The following CNTNAP2 variants were observed in gnomAD, a reference collection of about 807,000 sequenced individuals.
CNTNAP2 encodes the protein contactin associated protein 2.
Under a neutral mutation model 155.2 loss-of-function variants are expected in CNTNAP2, and 98 were observed. The observed-to-expected ratio is 0.63, with a 90% confidence interval of 0.54 to 0.75. The LOEUF is 0.75. CNTNAP2 is among the 30% of genes least tolerant of loss of function. CNTNAP2 has a pLI of 0.00. For synonymous variants in CNTNAP2, 651 were observed against 631.2 expected, an observed-to-expected ratio of 1.03 and a Z score of -0.47; for missense variants, 1,727 against 1,688.1, an observed-to-expected ratio of 1.02 and a Z score of -0.40.
intron 1 of CNTNAP2, among the ~76,000 whole-genome samples, chr7:146,139,001 A>G (rs1281361316): frequency 6.6e-6 from 1 of 152,138 alleles, no homozygotes; most frequent in Non-Finnish European, 1.5e-5. Context: ...CAGCTAGCCT[A>G]CAGAACAGCA....
At chr7:147,292,298 C>T (rs952237612) in intron 8 of CNTNAP2, among the ~76,000 whole-genome samples, 2 of 152,128 alleles carry the variant, frequency 1.3e-5, no homozygotes, top group African/African-American at 4.8e-5. Flanking sequence ...ACTTTTCATT[C>T]ACCATTAAAT....
intron 8 of CNTNAP2, among the ~76,000 whole-genome samples, chr7:147,153,125 G>T (rs1399930241): frequency 6.6e-6 from 1 of 152,016 alleles, no homozygotes; most frequent in Non-Finnish European, 1.5e-5. Flanking sequence ...TTTGAGGGAA[G>T]CAGAGACTTT....
At chr7:147,735,075 G>C (rs2116474101) in intron 13 of CNTNAP2, among the ~76,000 whole-genome samples, 1 of 151,528 alleles carries the variant, frequency 6.6e-6, no homozygotes, top group East Asian at 1.9e-4. Context: ...TTTTGAATGT[G>C]TTTGCTCTTG....
rs930048923 is a variant in CNTNAP2, at chr7:148,416,110, C to G, written c.*494C>G. 1.2e-5 allele frequency: 2 copies of G among 161,890 alleles called. No individual in the cohort carries two copies. Among genetic ancestry groups the G allele is most frequent in the Non-Finnish European group, 2.7e-5 (2 of 73,924 alleles). The allele number at this position is 161,890 out of a possible 1,614,324, so 10.0% of individuals were successfully genotyped here. ...ACTAGTTCGTGTTTATATACTATTT[C>G]CTTTGATGTCCTATAAGTCGGAAAA... On this transcript the variant is annotated 3_prime_UTR_variant, in exon 24 of 24. Transcript: ENST00000361727.
At chr7:146,916,960 A>G (rs1239295745) in intron 3 of CNTNAP2, among the ~76,000 whole-genome samples, 3 of 152,176 alleles carry the variant, frequency 2.0e-5, no homozygotes, top group Non-Finnish European at 4.4e-5. Context: ...ATATAATGCT[A>G]TGAATTTCCC....
In CNTNAP2 at chr7:147,078,281, C is replaced by T. The variant is rs114319845; in HGVS notation, c.551-29866C>T. Among the ~76,000 whole-genome samples the T allele has an allele frequency of 7.6e-3, 1,164 of 152,294 alleles. 16 individuals are homozygous for T. The highest frequency in any genetic ancestry group is 0.023 in the African/African-American group (960 of 41,568). On this transcript the variant is annotated intron_variant, in intron 4 of 23. Transcript: ENST00000361727. ...TGACTTTCTGTGAAAGAGTTAAGTACGTTGCTGTATCAAATATTCAGTTAC... is the reference window on the plus strand; with the variant it reads ...TGACTTTCTGTGAAAGAGTTAAGTATGTTGCTGTATCAAATATTCAGTTAC...
At chr7:146,454,040 CA>C (rs1796520239) in intron 1 of CNTNAP2, among the ~76,000 whole-genome samples, 1 of 151,780 alleles carries the variant, frequency 6.6e-6, no homozygotes. Context: ...AATAGAAGTT[CA>C]AAAAAATGGA....
At position 146,404,345 on chromosome 7, in the gene CNTNAP2, C is replaced by T. The variant is rs186707909; in HGVS notation, c.97+287372C>T. Among the ~76,000 whole-genome samples the T allele has an allele frequency of 2.0e-3, 301 of 152,156 alleles. 3 individuals carry two copies. Among genetic ancestry groups the T allele is most frequent in the African/African-American group, 6.9e-3 (285 of 41,510 alleles). On this transcript the variant is annotated intron_variant, in intron 1 of 23. Coordinates refer to ENST00000361727, the MANE Select transcript of CNTNAP2 (RefSeq NM_014141.6). Reference sequence around the variant, plus strand: ...TCCAGGTTACCCTGCATGGTTGGGCCGCAAACCATGGCCTGGGGTGGAATG... The same window carrying T: ...TCCAGGTTACCCTGCATGGTTGGGCTGCAAACCATGGCCTGGGGTGGAATG...
Position 148,061,954 on chromosome 7 carries a change from T to TATAGATAGATAGATAG in CNTNAP2, c.2384-56125_2384-56110dup, listed in dbSNP as rs10535597. On this transcript the variant is annotated intron_variant, in intron 15 of 23. Transcript: ENST00000361727. ...ATAGATAGATAGATAGATAAACAGA[T>TATAGATAGATAGATAG]ATAGATAGATAGATAGATAGATAGA... Among the ~76,000 whole-genome samples the TATAGATAGATAGATAG allele has an allele frequency of 1.4e-4, 13 of 95,966 alleles. No homozygotes were observed. The East Asian group carries it at 2.4e-3, about 18-fold the overall frequency. 63.0% of individuals were successfully genotyped at this position (95,966 alleles called of 152,430 possible). A position where few individuals can be genotyped will look rare whatever the true frequency, so the allele number is the denominator to read the frequency against.
intron 15 of CNTNAP2, among the ~76,000 whole-genome samples, chr7:148,069,629 G>A (rs973017084): frequency 1.8e-4 from 28 of 151,960 alleles, no homozygotes; most frequent in East Asian, 1.4e-3. Context: ...GCATGGTGGC[G>A]GGCGCCTGTA....
intron 1 of CNTNAP2, among the ~76,000 whole-genome samples, chr7:146,396,743 C>A (rs537168480): frequency 6.7e-6 from 1 of 148,812 alleles, no homozygotes; most frequent in Non-Finnish European, 1.5e-5. Context: ...ATATAAATAT[C>A]CTGCAAAATG....
intron 1 of CNTNAP2, among the ~76,000 whole-genome samples, chr7:146,137,813 A>G (rs1797819232): frequency 6.6e-6 from 1 of 151,932 alleles, no homozygotes; most frequent in Non-Finnish European, 1.5e-5. Flanking sequence ...GTAAAATCAT[A>G]ATTTAAAATT....
chr7:148,003,018 C>A (rs1801923921), intron 15 of CNTNAP2, among the ~76,000 whole-genome samples: 2 of 152,140 alleles, frequency 1.3e-5, no homozygotes, highest in East Asian at 1.9e-4. Context: ...GCACGGGGAG[C>A]AGTCAGTGGG....
intron 17 of CNTNAP2, among the ~76,000 whole-genome samples, chr7:148,157,446 G>T (rs968872762): frequency 6.6e-6 from 1 of 151,902 alleles, no homozygotes; most frequent in African/African-American, 2.4e-5. Flanking sequence ...AAAGCAAGAA[G>T]GGTTTTTCCT....
At chr7:147,376,772 G>A (rs1305741654) in intron 9 of CNTNAP2, among the ~76,000 whole-genome samples, 2 of 151,702 alleles carry the variant, frequency 1.3e-5, no homozygotes, top group South Asian at 2.1e-4. Flanking sequence ...ACACAACTGG[G>A]GCAATAAATA....
At chr7:146,124,400 A>G (rs950990682) in intron 1 of CNTNAP2, among the ~76,000 whole-genome samples, 1 of 152,146 alleles carries the variant, frequency 6.6e-6, no homozygotes, top group African/African-American at 2.4e-5. Flanking sequence ...ATTAAGTAAC[A>G]TAAGTACAGA....
At chr7:146,179,128 T>C (rs1405134088) in intron 1 of CNTNAP2, among the ~76,000 whole-genome samples, 1 of 152,128 alleles carries the variant, frequency 6.6e-6, no homozygotes, top group Non-Finnish European at 1.5e-5. Flanking sequence ...ATAAGCTCTT[T>C]TGGGGAAACA....
intron 15 of CNTNAP2, among the ~76,000 whole-genome samples, chr7:148,018,840 T>C (rs1276268831): frequency 6.6e-6 from 1 of 152,256 alleles, no homozygotes; most frequent in Non-Finnish European, 1.5e-5. Context: ...GTTTTTTGTT[T>C]GTTAAGTTCA....
intron 1 of CNTNAP2, among the ~76,000 whole-genome samples, chr7:146,233,140 G>C (rs549665018): frequency 5.3e-5 from 8 of 151,800 alleles, no homozygotes; most frequent in African/African-American, 1.9e-4. Flanking sequence ...AACTAGAAAT[G>C]TATTCAGGTG....
Sources: gnomAD v4.1 joint callset for allele counts (sites outside exome capture counted in the v4.1 genomes callset) on GRCh38, gnomAD v4.1.1 for gene constraint, MANE v1.5 for transcripts, NCBI Gene and HGNC (gene_info 2026-07-23, HGNC 2026-07-21) for gene names.